CNTNAP5: variants seen among roughly 807,000 people sequenced by gnomAD.
CNTNAP5 encodes the protein contactin associated protein family member 5.
In CNTNAP5, 72 loss-of-function variants were observed where a neutral mutation model predicts 150.2. The observed-to-expected ratio is 0.48, with a 90% confidence interval of 0.40 to 0.58. The LOEUF is 0.58. Among genes scored for constraint, CNTNAP5 ranks in the 20% least tolerant of loss-of-function variants. The probability of loss-of-function intolerance (pLI) is 0.00; values close to 1 mark genes in which losing one functional copy is unlikely to be tolerated. For synonymous variants in CNTNAP5, 672 were observed against 619.8 expected, an observed-to-expected ratio of 1.08 and a Z score of -1.25; for missense variants, 1,636 against 1,626.2, an observed-to-expected ratio of 1.01 and a Z score of -0.10.
intron 1 of CNTNAP5, among the ~76,000 whole-genome samples, chr2:124,207,782 T>C (rs1685898382): frequency 6.6e-6 from 1 of 152,210 alleles, no homozygotes; most frequent in Non-Finnish European, 1.5e-5. Flanking sequence ...TTTTAATCTG[T>C]TCATGCATAA....
chr2:124,504,702 C>G (rs928525093), intron 8 of CNTNAP5, 146 bp downstream of exon 8: 9 of 557,782 alleles, frequency 1.6e-5, no homozygotes, highest in Non-Finnish European at 2.6e-5. Context: ...GAAGAGGCAG[C>G]ATTTTTTTTT....
At chr2:124,394,144 G>A (rs1691188085) in intron 3 of CNTNAP5, among the ~76,000 whole-genome samples, 1 of 152,016 alleles carries the variant, frequency 6.6e-6, no homozygotes, top group South Asian at 2.1e-4. Flanking sequence ...GGCCAAGGCA[G>A]GCAGAACACC....
intron 16 of CNTNAP5, among the ~76,000 whole-genome samples, chr2:124,771,382 G>T (rs1172506715): frequency 2.0e-5 from 3 of 152,042 alleles, no homozygotes; most frequent in Non-Finnish European, 4.4e-5. Flanking sequence ...TGTGATAATG[G>T]AAAACACAAG....
At chr2:124,117,789 A>G (rs4449139) in intron 1 of CNTNAP5, among the ~76,000 whole-genome samples, 73,215 of 151,978 alleles carry the variant, frequency 0.48, 18,234 homozygotes, top group South Asian at 0.61. Context: ...CCACTTCCAG[A>G]ATTTGTTAAA....
At chr2:124,350,757 A>G (rs1007298482) in intron 3 of CNTNAP5, among the ~76,000 whole-genome samples, 25 of 152,206 alleles carry the variant, frequency 1.6e-4, no homozygotes, top group Non-Finnish European at 3.2e-4. Context: ...TTGCTAACCA[A>G]AAATAAATGA....
At chr2:124,273,002 A>G (rs1313805273) in intron 3 of CNTNAP5, among the ~76,000 whole-genome samples, 1 of 152,154 alleles carries the variant, frequency 6.6e-6, no homozygotes, top group East Asian at 1.9e-4. Flanking sequence ...GGATAGTGCT[A>G]AAATATAGAA....
intron 21 of CNTNAP5, among the ~76,000 whole-genome samples, chr2:124,886,714 A>G (rs1427200464): frequency 2.0e-5 from 3 of 152,070 alleles, no homozygotes; most frequent in African/African-American, 7.2e-5. Context: ...TAATAATCAC[A>G]TGTAAACACA....
chr2:124,783,507 G>A (rs1226291345), intron 17 of CNTNAP5, among the ~76,000 whole-genome samples: 1 of 152,020 alleles, frequency 6.6e-6, no homozygotes, highest in Non-Finnish European at 1.5e-5. Context: ...GTGCAATAAA[G>A]CCAGTAATAA....
At chr2:124,455,393 T>C (rs1693095972) in intron 6 of CNTNAP5, among the ~76,000 whole-genome samples, 1 of 152,134 alleles carries the variant, frequency 6.6e-6, no homozygotes, top group South Asian at 2.1e-4. Flanking sequence ...AGCAGCGATA[T>C]TGAAATAGTA....
At chr2:124,111,710 A>G (rs1422983023) in intron 1 of CNTNAP5, among the ~76,000 whole-genome samples, 1 of 152,246 alleles carries the variant, frequency 6.6e-6, no homozygotes, top group Non-Finnish European at 1.5e-5. Flanking sequence ...GGGAGTTGGC[A>G]TAAAAATTTC....
At chr2:124,183,193 T>A in intron 1 of CNTNAP5, among the ~76,000 whole-genome samples, 1 of 152,198 alleles carries the variant, frequency 6.6e-6, no homozygotes, top group East Asian at 1.9e-4. Flanking sequence ...TGGCATTTAA[T>A]AAACATTCCA....
intron 3 of CNTNAP5, among the ~76,000 whole-genome samples, chr2:124,356,627 G>T (rs1054522450): frequency 4.6e-5 from 7 of 151,952 alleles, no homozygotes; most frequent in Non-Finnish European, 1.0e-4. Context: ...CCCTACAAAG[G>T]ACATGAGCTC....
chr2:124,738,310 A>G (rs1220980344), intron 13 of CNTNAP5, among the ~76,000 whole-genome samples: 1 of 152,204 alleles, frequency 6.6e-6, no homozygotes, highest in Non-Finnish European at 1.5e-5. Context: ...AGTAAACTGA[A>G]GATCTTACTC....
chr2:124,380,212 C>T (rs753654221), intron 3 of CNTNAP5, among the ~76,000 whole-genome samples: 5 of 151,928 alleles, frequency 3.3e-5, no homozygotes, highest in Admixed American at 6.6e-5. Context: ...TGGCAAGAAC[C>T]GCATTTTGTA....
chr2:124,837,286 A>G (rs985907152), intron 19 of CNTNAP5, among the ~76,000 whole-genome samples: 1 of 152,134 alleles, frequency 6.6e-6, no homozygotes, highest in South Asian at 2.1e-4. Flanking sequence ...GGCATGTGAC[A>G]CTAAGTGCCA....
intron 8 of CNTNAP5, among the ~76,000 whole-genome samples, chr2:124,512,657 A>G (rs1241794172): frequency 6.6e-6 from 1 of 152,206 alleles, no homozygotes; most frequent in East Asian, 1.9e-4. Flanking sequence ...CAACCACCGT[A>G]TAACATTTCA....
chr2:124,051,466 T>A (rs1681693361), intron 1 of CNTNAP5, among the ~76,000 whole-genome samples: 1 of 152,234 alleles, frequency 6.6e-6, no homozygotes. Flanking sequence ...ATCAATGTTG[T>A]GTCTAGTGCT....
intron 1 of CNTNAP5, among the ~76,000 whole-genome samples, chr2:124,171,634 C>T (rs781679188): frequency 6.6e-6 from 1 of 152,170 alleles, no homozygotes; most frequent in Non-Finnish European, 1.5e-5. Context: ...TGGGAATTGA[C>T]TATTTCCTCA....
intron 21 of CNTNAP5, among the ~76,000 whole-genome samples, chr2:124,879,502 T>C (rs1035858763): frequency 6.6e-6 from 1 of 152,072 alleles, no homozygotes; most frequent in Non-Finnish European, 1.5e-5. Context: ...GGTAGTGAGA[T>C]GGGAAATGAA....
Sources: gnomAD v4.1 joint callset for allele counts (sites outside exome capture counted in the v4.1 genomes callset) on GRCh38, gnomAD v4.1.1 for gene constraint, MANE v1.5 for transcripts, NCBI Gene and HGNC (gene_info 2026-07-23, HGNC 2026-07-21) for gene names.